RANGAP1: variants seen among roughly 807,000 people sequenced by gnomAD.
The protein encoded by RANGAP1 is Ran GTPase activating protein 1, also known as ran GTPase-activating protein 1.
A neutral mutation model predicts 63.5 loss-of-function variants in RANGAP1; 38 were observed. The observed-to-expected ratio is 0.60, with a 90% confidence interval of 0.46 to 0.78. The LOEUF (loss-of-function observed/expected upper bound fraction) is 0.78. RANGAP1 is among the 30% of genes least tolerant of loss of function. The pLI, the probability that RANGAP1 is intolerant of heterozygous loss-of-function variation, is 0.00. For missense variants in RANGAP1, 630 were observed against 740.3 expected (o/e 0.85, Z 1.73); for synonymous variants, 329 against 310.5 (o/e 1.06, Z -0.63).
intron 6 of RANGAP1, among the ~76,000 whole-genome samples, chr22:41,258,560 G>A (rs2033979019): frequency 6.6e-6 from 1 of 152,232 alleles, no homozygotes; most frequent in Non-Finnish European, 1.5e-5. Flanking sequence ...CCTTCTCTAG[G>A]GATGAGGAGG....
chr22:41,254,122 A>G (rs2145701407), intron 11 of RANGAP1, among the ~76,000 whole-genome samples, 186 bp downstream of exon 11: 1 of 152,118 alleles, frequency 6.6e-6, no homozygotes, highest in Non-Finnish European at 1.5e-5. Context: ...AAAAAAAAAA[A>G]GAAATATAGG....
At chr22:41,248,940 C>T (rs1344276923) in intron 15 of RANGAP1, among the ~76,000 whole-genome samples, 3 of 152,248 alleles carry the variant, frequency 2.0e-5, no homozygotes, top group African/African-American at 7.2e-5. Flanking sequence ...GGACAAAAAG[C>T]CACTCCGGAG....
At chr22:41,249,256 A>G in intron 15 of RANGAP1, 74 bp downstream of exon 15, 3 of 1,502,172 alleles carry the variant, frequency 2.0e-6, no homozygotes, top group Non-Finnish European at 2.7e-6. Context: ...GGCCTCCCGG[A>G]ACCGGGCGCC....
the RANGAP1 span, among the ~76,000 whole-genome samples, chr22:41,296,939 A>G: frequency 6.6e-6 from 1 of 152,050 alleles, no homozygotes; most frequent in African/African-American, 2.4e-5. Flanking sequence ...GACTGGGCGC[A>G]GTGGCTCAGG....
At chr22:41,286,750 A>G (rs1219385762), upstream of RANGAP1, among the ~76,000 whole-genome samples, 1 of 152,242 alleles carries the variant, frequency 6.6e-6, no homozygotes, top group Non-Finnish European at 1.5e-5. Context: ...TTGAACGGCC[A>G]CGTTAACATC....
rs1253416516 is a variant in RANGAP1, at chr22:41,254,458, TTCTCCTTCCTCC to T, written c.1098_1109del (p.Gly369_Glu372del). On this transcript the variant is annotated inframe_deletion, in exon 11 of 16. Coordinates refer to ENST00000356244, the MANE Select transcript of RANGAP1 (RefSeq NM_002883.4). ...CTTCTTCTGCTTCCTCTTCTTCCTC[TTCTCCTTCCTCC>T]TCCTCCTCCTCGTCCTCGTCATCAC... 6.2e-7 allele frequency: 1 copy of T among 1,608,174 alleles called. No homozygotes were observed. Among genetic ancestry groups the T allele is most frequent in the Non-Finnish European group, 8.5e-7 (1 of 1,178,322 alleles).
intron 10 of RANGAP1, among the ~76,000 whole-genome samples, chr22:41,255,355 C>T (rs559519802): frequency 5.3e-5 from 8 of 152,202 alleles, no homozygotes; most frequent in Middle Eastern, 3.4e-3. Flanking sequence ...CTTGGAGATG[C>T]GAGGGGCACA....
At chr22:41,286,705 T>G (rs1300236004), upstream of RANGAP1, among the ~76,000 whole-genome samples, 1 of 152,068 alleles carries the variant, frequency 6.6e-6, no homozygotes, top group Non-Finnish European at 1.5e-5. Flanking sequence ...AAAGGGGAAA[T>G]AGTAACTATC....
At chr22:41,300,428 T>TCACACACACACA in the RANGAP1 span, among the ~76,000 whole-genome samples, 185 of 36,202 alleles carry the variant, frequency 5.1e-3, 1 homozygote, top group Non-Finnish European at 6.6e-3. Flanking sequence ...TATTGGGAAC[T>TCACACACACACA]CACACACACA....
At chr22:41,277,723 G>A (rs978618354) in intron 2 of RANGAP1, among the ~76,000 whole-genome samples, 2 of 152,188 alleles carry the variant, frequency 1.3e-5, no homozygotes, top group African/African-American at 4.8e-5. Context: ...CAGATGCCAG[G>A]GGATTCAGGG....
intron 2 of RANGAP1, 117 bp from the exon 3 acceptor site, chr22:41,274,844 G>C: frequency 7.6e-7 from 1 of 1,309,038 alleles, no homozygotes; most frequent in Non-Finnish European, 1.1e-6. Flanking sequence ...ACCATGCAAT[G>C]AGCCTTGGCT....
chr22:41,256,605 G>T, intron 8 of RANGAP1, 106 bp downstream of exon 8: 1 of 933,318 alleles, frequency 1.1e-6, no homozygotes, highest in Non-Finnish European at 1.6e-6. Flanking sequence ...GGAGGAGCTG[G>T]GATATGGACA....
Position 41,264,651 on chromosome 22 carries a change from C to T in RANGAP1, c.480+13G>A, listed in dbSNP as rs779759971. The T allele has an allele frequency of 6.2e-7, 1 of 1,605,950 alleles. No homozygotes were observed. The highest frequency in any genetic ancestry group is 8.5e-7 in the Non-Finnish European group (1 of 1,174,220). On this transcript the variant is annotated intron_variant, in intron 5 of 15. Coordinates refer to ENST00000356244, the MANE Select transcript of RANGAP1 (RefSeq NM_002883.4). ...ACCAGGGGACTCTGCGGGGAGGGGG[C>T]TGCCACACCCACCTTGCCGCCGCCA...
chr22:41,288,206 A>G (rs2035796297), upstream of RANGAP1, among the ~76,000 whole-genome samples: 1 of 152,000 alleles, frequency 6.6e-6, no homozygotes, highest in Non-Finnish European at 1.5e-5. Flanking sequence ...CTTTTTACCT[A>G]CAAGGCCCAT....
At chr22:41,277,493 T>A (rs753997557) in intron 2 of RANGAP1, 1 of 1,197,390 alleles carries the variant, frequency 8.4e-7, no homozygotes, top group South Asian at 1.3e-5. Context: ...AAAAGTTGAG[T>A]CTGGCTGGTA....
intron 2 of RANGAP1, among the ~76,000 whole-genome samples, chr22:41,279,010 G>A (rs1260200452): frequency 6.6e-6 from 1 of 152,232 alleles, no homozygotes; most frequent in Non-Finnish European, 1.5e-5. Context: ...GGGCGTGGTG[G>A]CGGGCGCCTG....
the RANGAP1 span, among the ~76,000 whole-genome samples, chr22:41,294,048 CTCTCCCCACGG>C: frequency 6.6e-6 from 1 of 151,622 alleles, no homozygotes; most frequent in Admixed American, 6.6e-5. Context: ...CTCCCTCTCC[CTCTCCCCACGG>C]TCTCCCTCTC....
chr22:41,249,719 C>T lies in RANGAP1; in HGVS notation c.1572+10G>A. The T allele has an allele frequency of 6.2e-7, 1 of 1,609,842 alleles. No individual in the cohort carries two copies. The highest frequency in any genetic ancestry group is 8.5e-7 in the Non-Finnish European group (1 of 1,176,156). ...CTCCCTCCCGGGCCTGCTGTTCCTT[C>T]CGGCCTCACCTTGAGCAGACCCATG... On this transcript the variant is annotated intron_variant, in intron 14 of 15. Coordinates refer to ENST00000356244, the MANE Select transcript of RANGAP1 (RefSeq NM_002883.4).
the RANGAP1 span, among the ~76,000 whole-genome samples, chr22:41,301,034 C>A: frequency 6.6e-6 from 1 of 152,164 alleles, no homozygotes; most frequent in Non-Finnish European, 1.5e-5. Context: ...GTCCCTACAC[C>A]CATCATGATG....
Sources: allele counts gnomAD v4.1 joint callset (sites outside exome capture counted in the v4.1 genomes callset), GRCh38; gene constraint gnomAD v4.1.1; transcripts MANE v1.5; gene names NCBI Gene and HGNC (gene_info 2026-07-23, HGNC 2026-07-21).